SGCD: variants seen among roughly 807,000 people sequenced by gnomAD.
SGCD encodes delta-sarcoglycan.
In SGCD, 18 loss-of-function variants were observed where a neutral mutation model predicts 36.6. The ratio of observed to expected loss-of-function variants is 0.49; its 90% CI spans 0.34 to 0.73. The LOEUF is 0.73. Ranked by LOEUF, SGCD falls within the 30% of genes least tolerant of loss-of-function variation. The probability of loss-of-function intolerance (pLI) is 0.01; values close to 1 mark genes in which losing one functional copy is unlikely to be tolerated. For synonymous variants in SGCD, 133 were observed against 130.6 expected (o/e 1.02, Z -0.12); for missense variants, 387 against 346.7 (o/e 1.12, Z -0.92).
At chr5:156,230,150 A>G (rs1042971415) in intron 3 of SGCD, among the ~76,000 whole-genome samples, 6 of 152,054 alleles carry the variant, frequency 3.9e-5, no homozygotes, top group African/African-American at 1.2e-4. Context: ...GTTTAGCTTA[A>G]TAACTAACCT....
At chr5:156,350,822 T>G (rs78748244) in intron 3 of SGCD, among the ~76,000 whole-genome samples, 1,865 of 152,288 alleles carry the variant, frequency 0.012, 42 homozygotes, top group African/African-American at 0.042. Context: ...CTTAAAATCT[T>G]TTAACTTTCA....
chr5:156,032,661 T>C (rs1581052611), intron 1 of SGCD, among the ~76,000 whole-genome samples: 1 of 123,222 alleles, frequency 8.1e-6, no homozygotes, highest in East Asian at 2.5e-4. Flanking sequence ...GAGCTTGTAG[T>C]GAGCCACTGC....
chr5:155,931,482 T>G (rs1399932358), intron 1 of SGCD, among the ~76,000 whole-genome samples: 4 of 152,180 alleles, frequency 2.6e-5, no homozygotes, highest in Non-Finnish European at 5.9e-5. Context: ...TTATCTTCAT[T>G]TAATGTCATT....
At chr5:156,081,808 A>G (rs1760960130) in intron 1 of SGCD, among the ~76,000 whole-genome samples, 1 of 152,212 alleles carries the variant, frequency 6.6e-6, no homozygotes, top group African/African-American at 2.4e-5. Context: ...AAGAATAATA[A>G]GGAGAAAAAT....
chr5:156,047,062 C>T (rs1007189677), intron 1 of SGCD, among the ~76,000 whole-genome samples: 3 of 152,114 alleles, frequency 2.0e-5, no homozygotes, highest in African/African-American at 7.2e-5. Flanking sequence ...AAGGTCAAAC[C>T]AGCCACAACA....
At chr5:155,755,182 C>T in the SGCD span, among the ~76,000 whole-genome samples, 1 of 152,194 alleles carries the variant, frequency 6.6e-6, no homozygotes, top group Admixed American at 6.5e-5. Flanking sequence ...ATATTATTAA[C>T]TTTAATTTAC....
At chr5:156,230,499 G>A (rs940555747) in intron 3 of SGCD, among the ~76,000 whole-genome samples, 8 of 152,172 alleles carry the variant, frequency 5.3e-5, no homozygotes, top group African/African-American at 1.9e-4. Context: ...GCTGGTATTG[G>A]GGGTTGTCTG....
At chr5:156,444,784 T>C (rs1379384828) in intron 3 of SGCD, among the ~76,000 whole-genome samples, 1 of 152,180 alleles carries the variant, frequency 6.6e-6, no homozygotes, top group African/African-American at 2.4e-5. Flanking sequence ...CCACTGTAAT[T>C]ACATCAACAT....
chr5:156,602,107 C>T (rs1242879045), intron 6 of SGCD, among the ~76,000 whole-genome samples: 1 of 152,094 alleles, frequency 6.6e-6, no homozygotes, highest in African/African-American at 2.4e-5. Flanking sequence ...TTATTTGTGT[C>T]CTCTTCAATT....
chr5:156,313,377 T>C (rs1436847347), intron 3 of SGCD, among the ~76,000 whole-genome samples: 1 of 152,154 alleles, frequency 6.6e-6, no homozygotes, highest in Non-Finnish European at 1.5e-5. Flanking sequence ...CTTTATTTTT[T>C]CTGCTTTTTC....
At chr5:156,739,109 C>T (rs1196181026) in intron 7 of SGCD, among the ~76,000 whole-genome samples, 1 of 151,982 alleles carries the variant, frequency 6.6e-6, no homozygotes. Flanking sequence ...AAATATGGCC[C>T]TAGCATCATA....
intron 3 of SGCD, among the ~76,000 whole-genome samples, chr5:156,291,976 T>C (rs953811471): frequency 1.3e-5 from 2 of 152,108 alleles, no homozygotes; most frequent in Non-Finnish European, 2.9e-5. Flanking sequence ...TGAAATTTTG[T>C]ACTCTTTGAA....
chr5:156,407,968 T>C (rs1350271505), intron 3 of SGCD, among the ~76,000 whole-genome samples: 1 of 152,100 alleles, frequency 6.6e-6, no homozygotes, highest in Non-Finnish European at 1.5e-5. Flanking sequence ...TCCCCTAAAG[T>C]GGAGGGTGGT....
At chr5:156,216,817 G>A (rs765518243) in intron 3 of SGCD, among the ~76,000 whole-genome samples, 1 of 152,172 alleles carries the variant, frequency 6.6e-6, no homozygotes, top group South Asian at 2.1e-4. Context: ...GGTGGCTCAC[G>A]CCTGTCATCC....
At chr5:156,185,841 A>ATATATATGTGTGTGTGTG (rs1763734434) in intron 3 of SGCD, among the ~76,000 whole-genome samples, 1 of 28,650 alleles carries the variant, frequency 3.5e-5, no homozygotes, top group African/African-American at 1.1e-4. Flanking sequence ...GTGTATATAT[A>ATATATATGTGTGTGTGTG]TATATATATA....
At chr5:155,783,413 T>C in the SGCD span, among the ~76,000 whole-genome samples, 1 of 152,186 alleles carries the variant, frequency 6.6e-6, no homozygotes, top group Non-Finnish European at 1.5e-5. Flanking sequence ...ACTTGCATCA[T>C]ACTAAAATTC....
At position 156,006,809 on chromosome 5, in the gene SGCD, G is replaced by T. The variant is rs867315064; in HGVS notation, c.-281-111069G>T. Among the ~76,000 whole-genome samples, 34 of 152,274 alleles carry T rather than the reference G, an allele frequency of 2.2e-4. No individual in the cohort carries two copies. The Middle Eastern group carries it at 0.017, about 76-fold the overall frequency. The stretch of plus-strand genomic sequence containing the variant: ...GTTAAAGGGTTCTCAAATGTGAGCA[G>T]TCTAATCACTCAAAATACATGTGTT... On this transcript the variant is annotated intron_variant, in intron 1 of 9. Transcript: ENST00000517913.
intron 3 of SGCD, among the ~76,000 whole-genome samples, chr5:156,272,894 G>T (rs1363020048): frequency 6.6e-6 from 1 of 152,090 alleles, no homozygotes; most frequent in Non-Finnish European, 1.5e-5. Flanking sequence ...GGCTGCTTTT[G>T]AGCCCTACAA....
At chr5:156,310,819 A>C (rs1338167132) in intron 3 of SGCD, among the ~76,000 whole-genome samples, 1 of 152,208 alleles carries the variant, frequency 6.6e-6, no homozygotes, top group African/African-American at 2.4e-5. Flanking sequence ...GCTTTCATGA[A>C]ATTTCACTTC....
Sources: gnomAD v4.1 joint callset for allele counts (sites outside exome capture counted in the v4.1 genomes callset) on GRCh38, gnomAD v4.1.1 for gene constraint, MANE v1.5 for transcripts, NCBI Gene and HGNC (gene_info 2026-07-23, HGNC 2026-07-21) for gene names.